Variants in MACROD2 observed in about 807,000 individuals in gnomAD.
The protein encoded by MACROD2 is mono-ADP ribosylhydrolase 2.
Under a neutral mutation model 70.4 loss-of-function variants are expected in MACROD2, and 36 were observed. The observed-to-expected ratio is 0.51, with a 90% CI of 0.39 to 0.68. The LOEUF is 0.68. Ranked by LOEUF, MACROD2 falls within the 30% of genes least tolerant of loss-of-function variation. The pLI is 0.00. For synonymous variants in MACROD2, 172 were observed against 178.8 expected, an observed-to-expected ratio of 0.96 and a Z score of 0.30; for missense variants, 496 against 538.4, an observed-to-expected ratio of 0.92 and a Z score of 0.78.
intron 16 of MACROD2, among the ~76,000 whole-genome samples, chr20:16,044,223 CTT>C (rs1465887696): frequency 1.3e-5 from 2 of 151,996 alleles, no homozygotes; most frequent in Non-Finnish European, 2.9e-5. Context: ...GTGTCACACA[CTT>C]TTAAACAACC....
chr20:15,862,886 C>A, intron 9 of MACROD2, 60 bp downstream of exon 9: 1 of 1,236,588 alleles, frequency 8.1e-7, no homozygotes, highest in South Asian at 1.3e-5. Context: ...GGAGCCGTCA[C>A]TTCTATTCCT....
At chr20:15,922,930 G>C (rs1335740151) in intron 10 of MACROD2, among the ~76,000 whole-genome samples, 1 of 151,658 alleles carries the variant, frequency 6.6e-6, no homozygotes, top group Admixed American at 6.6e-5. Context: ...TGAAATTTTA[G>C]TGAAAAGGTA....
chr20:14,764,577 A>C (rs6079556), intron 5 of MACROD2, among the ~76,000 whole-genome samples: 70,145 of 151,920 alleles, frequency 0.46, 17,396 homozygotes, highest in Non-Finnish European at 0.56. Context: ...AGGACCAGCA[A>C]GTACCTTCAT....
At chr20:15,817,927 A>C (rs2063894824) in intron 8 of MACROD2, among the ~76,000 whole-genome samples, 1 of 152,064 alleles carries the variant, frequency 6.6e-6, no homozygotes, top group African/African-American at 2.4e-5. Context: ...CCAGTTACCT[A>C]CTGGACCACT....
chr20:14,195,460 G>T lies in MACROD2; in HGVS notation c.271+109732G>T, dbSNP rs191066346. ...GGGTGTGGTCCCTGGCTAGGGCTCC[G>T]CCTCCAGGCCTGTGCCCACAGGTCT... On this transcript the variant is annotated intron_variant, in intron 3 of 17. Coordinates refer to ENST00000684519, the MANE Select transcript of MACROD2 (RefSeq NM_001351661.2). Among the ~76,000 whole-genome samples, 464 of 152,080 alleles carry T rather than the reference G, an allele frequency of 3.1e-3. 6 individuals are homozygous for T. Among genetic ancestry groups the T allele is most frequent in the African/African-American group, 0.011 (441 of 41,486 alleles).
intron 5 of MACROD2, among the ~76,000 whole-genome samples, chr20:15,108,231 T>C (rs1250999967): frequency 2.6e-5 from 4 of 152,252 alleles, no homozygotes; most frequent in East Asian, 3.9e-4. Context: ...AGGTAAAGAT[T>C]GTATGTAGTA....
chr20:14,479,728 G>T (rs1192117264), intron 3 of MACROD2, among the ~76,000 whole-genome samples: 1 of 151,962 alleles, frequency 6.6e-6, no homozygotes, highest in Admixed American at 6.6e-5. Context: ...TCATCTGAGA[G>T]GGCAGAATTT....
intron 2 of MACROD2, among the ~76,000 whole-genome samples, chr20:14,029,186 A>C (rs2148630493): frequency 6.6e-6 from 1 of 152,314 alleles, no homozygotes; most frequent in South Asian, 2.1e-4. Flanking sequence ...AAAAACAACT[A>C]AGTTCTTATA....
chr20:14,092,258 A>C (rs980470162), intron 3 of MACROD2, among the ~76,000 whole-genome samples: 7 of 152,098 alleles, frequency 4.6e-5, no homozygotes, highest in Non-Finnish European at 1.0e-4. Flanking sequence ...CCAAAGGTTA[A>C]TTATGTCAAA....
chr20:14,873,974 T>C (rs907292645), intron 5 of MACROD2, among the ~76,000 whole-genome samples: 1 of 152,166 alleles, frequency 6.6e-6, no homozygotes, highest in South Asian at 2.1e-4. Context: ...TAATTTTGTG[T>C]TCAATTGAGT....
At chr20:14,660,101 T>A (rs1190944223) in intron 4 of MACROD2, among the ~76,000 whole-genome samples, 6 of 152,308 alleles carry the variant, frequency 3.9e-5, no homozygotes, top group African/African-American at 1.4e-4. Context: ...TAAAAGCATA[T>A]TGATAAATAC....
chr20:15,128,850 T>G (rs1331572600), intron 5 of MACROD2, among the ~76,000 whole-genome samples: 1 of 151,898 alleles, frequency 6.6e-6, no homozygotes, highest in African/African-American at 2.4e-5. Flanking sequence ...TTTTGTTTTT[T>G]TTTTTCATCT....
chr20:15,525,968 T>C (rs1158306051), intron 8 of MACROD2, among the ~76,000 whole-genome samples: 1 of 152,202 alleles, frequency 6.6e-6, no homozygotes, highest in Non-Finnish European at 1.5e-5. Flanking sequence ...TTAATATTGA[T>C]GGTTAGAAAT....
chr20:14,920,487 G>A (rs934310730), intron 5 of MACROD2, among the ~76,000 whole-genome samples: 9 of 152,112 alleles, frequency 5.9e-5, no homozygotes, highest in African/African-American at 1.7e-4. Context: ...TTTTAATTTC[G>A]TTAAAAATGT....
intron 7 of MACROD2, among the ~76,000 whole-genome samples, chr20:15,473,556 T>C (rs982583714): frequency 6.6e-6 from 1 of 152,192 alleles, no homozygotes; most frequent in African/African-American, 2.4e-5. Flanking sequence ...AACATTGAAT[T>C]TCAACTGTTT....
At chr20:15,363,864 TG>T (rs888013024) in intron 6 of MACROD2, among the ~76,000 whole-genome samples, 6 of 152,168 alleles carry the variant, frequency 3.9e-5, no homozygotes, top group African/African-American at 7.2e-5. Context: ...AATGAATCTG[TG>T]GGGGGCTAGC....
chr20:15,272,838 T>C (rs894469397), intron 6 of MACROD2, among the ~76,000 whole-genome samples: 7 of 152,210 alleles, frequency 4.6e-5, no homozygotes, highest in African/African-American at 1.7e-4. Context: ...TTATATGGAA[T>C]AGTCTACAGT....
At chr20:15,966,656 C>A (rs1414315071) in intron 12 of MACROD2, among the ~76,000 whole-genome samples, 1 of 152,156 alleles carries the variant, frequency 6.6e-6, no homozygotes, top group African/African-American at 2.4e-5. Flanking sequence ...ACAGGAGGAT[C>A]GCTTGAGCCC....
intron 7 of MACROD2, among the ~76,000 whole-genome samples, chr20:15,468,790 T>A (rs139378242): frequency 9.2e-4 from 140 of 152,294 alleles, no homozygotes; most frequent in Non-Finnish European, 1.6e-3. Context: ...CTGTCAGCAA[T>A]CTCAATCTCC....
Sources: allele counts gnomAD v4.1 joint callset (sites outside exome capture counted in the v4.1 genomes callset), GRCh38; gene constraint gnomAD v4.1.1; transcripts MANE v1.5; gene names NCBI Gene and HGNC (gene_info 2026-07-23, HGNC 2026-07-21).